The following GLIS3 variants were observed in gnomAD, a reference collection of about 807,000 sequenced individuals.
GLIS3 encodes the protein zinc finger protein GLIS3.
In GLIS3, 53 loss-of-function variants were observed where a neutral mutation model predicts 78.6. The ratio of observed to expected loss-of-function variants is 0.67; its 90% CI spans 0.54 to 0.85. The LOEUF (loss-of-function observed/expected upper bound fraction) is 0.85. GLIS3 is among the 40% of genes least tolerant of loss of function. The pLI, the probability that GLIS3 is intolerant of heterozygous loss-of-function variation, is 0.00. For missense variants in GLIS3, 1,703 were observed against 1,231.1 expected (o/e 1.38, Z -5.74); for synonymous variants, 684 against 509.9 (o/e 1.34, Z -4.60).
At position 3,937,188 on chromosome 9, in the gene GLIS3, A is replaced by G. The variant is rs1236411123; in HGVS notation, c.1712T>C (p.Phe571Ser). 2 of 1,614,040 alleles carry G rather than the reference A, an allele frequency of 1.2e-6. No homozygotes were observed. Among genetic ancestry groups the G allele is most frequent in the South Asian group, 2.2e-5 (2 of 91,090 alleles). ...HSGEKPNKCT[F>S]EGCEKAFSRL... Reference sequence around the variant, plus strand: ...TGAAAAGGCCTTCTCGCAACCTTCAAACTGCAAAAAGAAAACAATTTTTGG... The same window carrying G: ...TGAAAAGGCCTTCTCGCAACCTTCAGACTGCAAAAAGAAAACAATTTTTGG... Residue 571 changes from phenylalanine (F) to serine (S), a missense_variant and splice_region_variant, in exon 5 of 11, where the codon TTT becomes TCT. Phe to Ser is a radical substitution (Grantham distance 155, BLOSUM62 -2). Transcript: ENST00000381971.
chr9:3,965,341 G>A (rs768228928), intron 4 of GLIS3, among the ~76,000 whole-genome samples: 4 of 151,622 alleles, frequency 2.6e-5, no homozygotes, highest in Admixed American at 6.6e-5. Context: ...CTACAGGCGC[G>A]AGCCACCACT....
At chr9:4,325,258 A>C (rs1161131031) in intron 2 of GLIS3, among the ~76,000 whole-genome samples, 1 of 152,200 alleles carries the variant, frequency 6.6e-6, no homozygotes. Context: ...CACAGGACCT[A>C]TTCTGGGGCT....
chr9:4,398,401 C>A, the GLIS3 span, among the ~76,000 whole-genome samples: 1 of 151,978 alleles, frequency 6.6e-6, no homozygotes, highest in Non-Finnish European at 1.5e-5. Context: ...AACAGCATTC[C>A]CAGGTGATTC....
chr9:4,298,239 C>T (rs893969386), intron 1 of GLIS3: 3 of 305,598 alleles, frequency 9.8e-6, no homozygotes, highest in African/African-American at 4.6e-5. Flanking sequence ...CGCAGTCCCC[C>T]CACGCCGGCC....
At chr9:3,830,819 T>C (rs1305780516) in intron 9 of GLIS3, among the ~76,000 whole-genome samples, 37 of 152,078 alleles carry the variant, frequency 2.4e-4, no homozygotes, top group Admixed American at 2.4e-3. Context: ...TTAAGTTTCT[T>C]CTTAGCTCTC....
chr9:4,214,836 G>A (rs879172065), intron 2 of GLIS3, among the ~76,000 whole-genome samples: 4 of 151,970 alleles, frequency 2.6e-5, no homozygotes, highest in African/African-American at 9.7e-5. Flanking sequence ...TTCATAGGCT[G>A]GAAAAAAAAT....
At chr9:4,420,328 A>T in the GLIS3 span, among the ~76,000 whole-genome samples, 3 of 152,166 alleles carry the variant, frequency 2.0e-5, no homozygotes, top group Non-Finnish European at 4.4e-5. Context: ...CCATCACTGA[A>T]GCCATATTCT....
chr9:4,445,396 G>C, the GLIS3 span, among the ~76,000 whole-genome samples: 2 of 152,202 alleles, frequency 1.3e-5, no homozygotes, highest in Non-Finnish European at 2.9e-5. Flanking sequence ...GGAGGCTGAG[G>C]CTGGCAGATT....
At chr9:4,332,500 T>G (rs1817700727) in intron 2 of GLIS3, among the ~76,000 whole-genome samples, 1 of 152,210 alleles carries the variant, frequency 6.6e-6, no homozygotes, top group South Asian at 2.1e-4. Flanking sequence ...TTTGTCTTCC[T>G]CTCTCCCGTC....
At chr9:4,232,858 A>G (rs1383072478) in intron 2 of GLIS3, among the ~76,000 whole-genome samples, 1 of 152,214 alleles carries the variant, frequency 6.6e-6, no homozygotes, top group Non-Finnish European at 1.5e-5. Context: ...GGTAAGTTAA[A>G]AATACCCAGG....
At chr9:4,123,377 G>A (rs1490653458) in intron 3 of GLIS3, among the ~76,000 whole-genome samples, 2 of 151,978 alleles carry the variant, frequency 1.3e-5, no homozygotes, top group Non-Finnish European at 2.9e-5. Flanking sequence ...TGTATAAAAA[G>A]CCTCAAAACT....
intron 4 of GLIS3, among the ~76,000 whole-genome samples, chr9:3,950,717 G>A (rs1304037237): frequency 6.6e-6 from 1 of 152,240 alleles, no homozygotes; most frequent in African/African-American, 2.4e-5. Flanking sequence ...GAGTCCGCTA[G>A]GACAGGAACC....
chr9:4,309,026 T>G (rs1817296748), intron 3 of GLIS3: 1 of 152,236 alleles, frequency 6.6e-6, no homozygotes, highest in South Asian at 2.1e-4. Context: ...TTTTGGAGAC[T>G]GAGTTAATAT....
At chr9:4,295,041 G>C (rs868004942) in intron 1 of GLIS3, among the ~76,000 whole-genome samples, 1 of 152,112 alleles carries the variant, frequency 6.6e-6, no homozygotes, top group Non-Finnish European at 1.5e-5. Flanking sequence ...TTCTCTACTA[G>C]GAAAAAGTGG....
intron 2 of GLIS3, among the ~76,000 whole-genome samples, chr9:4,151,588 A>G (rs1834684270): frequency 1.3e-5 from 2 of 152,158 alleles, no homozygotes; most frequent in South Asian, 2.1e-4. Context: ...TAAGGCTATT[A>G]TTTCTTGGCA....
At chr9:4,162,198 C>G (rs1229485629) in intron 2 of GLIS3, among the ~76,000 whole-genome samples, 1 of 152,190 alleles carries the variant, frequency 6.6e-6, no homozygotes, top group African/African-American at 2.4e-5. Flanking sequence ...GCATTCTTGT[C>G]TCTGTGTCCA....
intron 4 of GLIS3, among the ~76,000 whole-genome samples, chr9:4,000,048 C>G (rs1426312073): frequency 1.3e-5 from 2 of 152,050 alleles, no homozygotes; most frequent in African/African-American, 4.8e-5. Flanking sequence ...AACAATGTTA[C>G]TCAGAATAAG....
intron 2 of GLIS3, among the ~76,000 whole-genome samples, chr9:4,251,537 C>T (rs1321431375): frequency 1.3e-5 from 2 of 151,674 alleles, no homozygotes; most frequent in African/African-American, 4.8e-5. Flanking sequence ...GAATACAGCA[C>T]ACCAATGAGT....
At chr9:3,972,290 C>T (rs1164037836) in intron 4 of GLIS3, among the ~76,000 whole-genome samples, 3 of 152,132 alleles carry the variant, frequency 2.0e-5, no homozygotes, top group Non-Finnish European at 4.4e-5. Flanking sequence ...GACAAATCAT[C>T]CCAGTTCTTT....
Sources: gnomAD v4.1 joint callset for allele counts (sites outside exome capture counted in the v4.1 genomes callset) on GRCh38, gnomAD v4.1.1 for gene constraint, MANE v1.5 for transcripts, NCBI Gene and HGNC (gene_info 2026-07-23, HGNC 2026-07-21) for gene names.